SLC39A10: variants seen among roughly 807,000 people sequenced by gnomAD.
The protein encoded by SLC39A10 is zinc transporter ZIP10.
Under a neutral mutation model 65.1 loss-of-function variants are expected in SLC39A10, and 13 were observed. The ratio of observed to expected loss-of-function variants is 0.20; its 90% CI spans 0.13 to 0.32. The LOEUF is 0.32. SLC39A10 is among the 10% of genes least tolerant of loss of function. The pLI, the probability that SLC39A10 is intolerant of heterozygous loss-of-function variation, is 1.00. For missense variants in SLC39A10, 831 were observed against 1,018.4 expected, an observed-to-expected ratio of 0.82 and a Z score of 2.50; for synonymous variants, 321 against 342.2, an observed-to-expected ratio of 0.94 and a Z score of 0.68.
At position 195,718,241 on chromosome 2, in the gene SLC39A10, A is replaced by T. The variant is rs375462139; in HGVS notation, c.2066-11A>T. Reference sequence around the variant, plus strand: ...GCAAACCTCACTTGTTTTTTTTCTTATCTTCCTCAGGTGCAGCTTTCAGTG... The same window carrying T: ...GCAAACCTCACTTGTTTTTTTTCTTTTCTTCCTCAGGTGCAGCTTTCAGTG... On this transcript the variant is annotated splice_polypyrimidine_tract_variant and intron_variant, in intron 7 of 9. Coordinates refer to ENST00000359634, the MANE Select transcript of SLC39A10 (RefSeq NM_020342.3). 2.5e-6 allele frequency: 4 copies of T among 1,599,830 alleles called. No homozygotes were observed. The highest frequency in any genetic ancestry group is 2.7e-5 in the African/African-American group (2 of 74,612).
chr2:195,701,656 T>G (rs984569576), intron 3 of SLC39A10, among the ~76,000 whole-genome samples: 4 of 151,894 alleles, frequency 2.6e-5, no homozygotes, highest in Non-Finnish European at 5.9e-5. Flanking sequence ...CTCTGTGGGA[T>G]AAACATAAGA....
chr2:195,652,905 A>C (rs1307983344), upstream of SLC39A10, among the ~76,000 whole-genome samples: 1 of 152,310 alleles, frequency 6.6e-6, no homozygotes, highest in Admixed American at 6.5e-5. Flanking sequence ...TCATAGGAGC[A>C]CAAACCCTAT....
intron 2 of SLC39A10, among the ~76,000 whole-genome samples, chr2:195,621,863 A>C (rs1688355463): frequency 6.6e-6 from 1 of 152,216 alleles, no homozygotes; most frequent in Non-Finnish European, 1.5e-5. Flanking sequence ...TAGGTGCTTC[A>C]TGAAAATTTT....
At chr2:195,626,893 G>A (rs1688485391) in intron 2 of SLC39A10, among the ~76,000 whole-genome samples, 1 of 152,180 alleles carries the variant, frequency 6.6e-6, no homozygotes, top group East Asian at 1.9e-4. Flanking sequence ...TGGCTGGCAA[G>A]TTTTATTGCC....
At chr2:195,667,899 A>G (rs1335411732) in intron 1 of SLC39A10, among the ~76,000 whole-genome samples, 1 of 152,234 alleles carries the variant, frequency 6.6e-6, no homozygotes, top group African/African-American at 2.4e-5. Flanking sequence ...ATAATGTAGG[A>G]AAATTAACAA....
At chr2:195,706,519 C>A in intron 3 of SLC39A10, 97 bp from the exon 4 acceptor site, 1 of 1,185,692 alleles carries the variant, frequency 8.4e-7, no homozygotes, top group Non-Finnish European at 1.2e-6. Context: ...AAATAGTCTA[C>A]CTTCTACGAT....
intron 2 of SLC39A10, among the ~76,000 whole-genome samples, chr2:195,623,363 G>C (rs1688390169): frequency 6.6e-6 from 1 of 152,110 alleles, no homozygotes; most frequent in Non-Finnish European, 1.5e-5. Context: ...ATTAATAAAA[G>C]AACATAGTAT....
rs1263708800 is a variant in SLC39A10, at chr2:195,646,508, G to A, written c.-11-33524G>A. On this transcript the variant is annotated intron_variant, in intron 2 of 2. Transcript: ENST00000458054. ...ACGAATTTCACTGAGCCAAAACCAG[G>A]GTGTCAGCAGGGCCACGTTTCTTCT... 2.6e-5 allele frequency among the ~76,000 whole-genome samples: 4 copies of A among 152,110 alleles called. No homozygotes were observed. The East Asian group carries it at 7.7e-4, about 29-fold the overall frequency.
At chr2:195,681,830 C>A (rs1265555751) in intron 2 of SLC39A10, among the ~76,000 whole-genome samples, 1 of 152,050 alleles carries the variant, frequency 6.6e-6, no homozygotes, top group Non-Finnish European at 1.5e-5. Context: ...GTTTCTAGTT[C>A]ATAAATTGTT....
intron 3 of SLC39A10, among the ~76,000 whole-genome samples, chr2:195,695,274 G>A (rs1044214374): frequency 3.3e-5 from 5 of 152,346 alleles, no homozygotes; most frequent in Admixed American, 6.5e-5. Context: ...GGGGCTTCCT[G>A]TGGCCGCTGT....
chr2:195,712,345 G>T (rs1691629010), intron 5 of SLC39A10, among the ~76,000 whole-genome samples: 2 of 152,248 alleles, frequency 1.3e-5, no homozygotes, highest in Admixed American at 6.5e-5. Flanking sequence ...TTCCAGGGCA[G>T]GGGGGTAGAT....
intron 1 of SLC39A10, among the ~76,000 whole-genome samples, chr2:195,666,729 T>C (rs7576365): frequency 0.52 from 78,650 of 152,128 alleles, 21,029 homozygotes; most frequent in Non-Finnish European, 0.6. Flanking sequence ...CCCAAAGTGC[T>C]GGGATTACAG....
upstream of SLC39A10, chr2:195,656,940 G>A (rs922953078): frequency 1.3e-5 from 2 of 152,274 alleles, no homozygotes; most frequent in Non-Finnish European, 2.9e-5. Flanking sequence ...CAAAACTAGC[G>A]CGGAGCCACG....
At position 195,619,686 on chromosome 2, in the gene SLC39A10, G is replaced by A. The variant is rs140237791; in HGVS notation, c.-12+13453G>A. On this transcript the variant is annotated intron_variant, in intron 2 of 2. Transcript: ENST00000458054. ...TGTAAAAGATAACTACTTCAGCAATGGTGAGACAGAATGAACTTGCAAATG... is the reference window on the plus strand; with the variant it reads ...TGTAAAAGATAACTACTTCAGCAATAGTGAGACAGAATGAACTTGCAAATG... Among the ~76,000 whole-genome samples the A allele has an allele frequency of 3.1e-3, 477 of 152,080 alleles. 2 individuals carry two copies. Among genetic ancestry groups the A allele is most frequent in the Non-Finnish European group, 5.6e-3 (382 of 67,982 alleles).
In SLC39A10 at chr2:195,734,863, G is replaced by GTGAAGATTTATTTTTC; in HGVS notation, c.2338-18_2338-3dup. 4 of 1,585,812 alleles carry GTGAAGATTTATTTTTC rather than the reference G, an allele frequency of 2.5e-6. No homozygotes were observed. The highest frequency in any genetic ancestry group is 3.4e-6 in the Non-Finnish European group (4 of 1,169,240). ...GCAGAAGTATTATACAAAGTTTAATGTGAAGATTTATTTTTCTAGCTTCCA... is the reference window on the plus strand; with the variant it reads ...GCAGAAGTATTATACAAAGTTTAATGTGAAGATTTATTTTTCTGAAGATTTATTTTTCTAGCTTCCA... On this transcript the variant is annotated intron_variant, in intron 9 of 9. Transcript: ENST00000359634.
intron 1 of SLC39A10, among the ~76,000 whole-genome samples, chr2:195,662,675 A>T (rs1689453044): frequency 6.6e-6 from 1 of 152,140 alleles, no homozygotes; most frequent in Non-Finnish European, 1.5e-5. Flanking sequence ...TATATATTTG[A>T]ATTTTTGAGT....
intron 8 of SLC39A10, among the ~76,000 whole-genome samples, chr2:195,721,629 G>C (rs1380453417): frequency 6.6e-6 from 1 of 152,010 alleles, no homozygotes; most frequent in Non-Finnish European, 1.5e-5. Flanking sequence ...ACATACTGCT[G>C]TTGGTCTATC....
intron 3 of SLC39A10, among the ~76,000 whole-genome samples, chr2:195,702,504 T>C (rs897498788): frequency 6.6e-6 from 1 of 152,220 alleles, no homozygotes; most frequent in African/African-American, 2.4e-5. Context: ...GTAGTTAACA[T>C]CAGACAGATT....
At position 195,623,125 on chromosome 2, in the gene SLC39A10, T is replaced by C. The variant is rs181703265; in HGVS notation, c.-12+16892T>C. 1.8e-3 allele frequency among the ~76,000 whole-genome samples: 277 copies of C among 152,096 alleles called. 5 individuals carry two copies. Among genetic ancestry groups the C allele is most frequent in the African/African-American group, 6.4e-3 (265 of 41,480 alleles). ...CTAAGTCAGCTAAGCCTAGAGAGTA[T>C]GATTGAAAGGGGTATGAGGAAAGTT... is the stretch of plus-strand genomic sequence containing the variant. On this transcript the variant is annotated intron_variant, in intron 2 of 2. Transcript: ENST00000458054.
Sources: allele counts gnomAD v4.1 joint callset (sites outside exome capture counted in the v4.1 genomes callset), GRCh38; gene constraint gnomAD v4.1.1; transcripts MANE v1.5; gene names NCBI Gene and HGNC (gene_info 2026-07-23, HGNC 2026-07-21).